Variants in TSHZ2 observed in about 807,000 individuals in gnomAD.
TSHZ2 encodes the protein teashirt homolog 2.
A neutral mutation model predicts 74.4 loss-of-function variants in TSHZ2; 21 were observed. The ratio of observed to expected loss-of-function variants is 0.28; its 90% CI spans 0.20 to 0.41. TSHZ2 has a LOEUF of 0.41. Ranked by LOEUF, TSHZ2 falls within the 10% of genes least tolerant of loss-of-function variation. The probability of loss-of-function intolerance (pLI) is 1.00; values close to 1 mark genes in which losing one functional copy is unlikely to be tolerated. For synonymous variants in TSHZ2, 540 were observed against 515.3 expected, an observed-to-expected ratio of 1.05 and a Z score of -0.65; for missense variants, 1,244 against 1,293.5, an observed-to-expected ratio of 0.96 and a Z score of 0.59.
intron 2 of TSHZ2, among the ~76,000 whole-genome samples, chr20:53,334,465 C>T (rs772632122): frequency 1.3e-5 from 2 of 151,712 alleles, no homozygotes; most frequent in Non-Finnish European, 2.9e-5. Context: ...TGGGGGAACC[C>T]TAAGGGGGTC....
At chr20:53,426,632 G>T (rs952815347) in intron 2 of TSHZ2, among the ~76,000 whole-genome samples, 1 of 152,128 alleles carries the variant, frequency 6.6e-6, no homozygotes, top group Non-Finnish European at 1.5e-5. Context: ...AAGTTTCAGC[G>T]CGTTTTCTGC....
chr20:53,467,784 T>C (rs1261730193), intron 2 of TSHZ2, among the ~76,000 whole-genome samples: 1 of 152,184 alleles, frequency 6.6e-6, no homozygotes, highest in Non-Finnish European at 1.5e-5. Flanking sequence ...CTGAGCTTCC[T>C]GGTAGTGAAA....
At chr20:53,206,094 C>CTGT (rs1268773648) in intron 1 of TSHZ2, among the ~76,000 whole-genome samples, 1 of 152,160 alleles carries the variant, frequency 6.6e-6, no homozygotes, top group Non-Finnish European at 1.5e-5. Flanking sequence ...TGGCACGAGC[C>CTGT]TGTAATCCCA....
At chr20:53,016,095 T>G (rs941120887) in intron 1 of TSHZ2, among the ~76,000 whole-genome samples, 1 of 152,166 alleles carries the variant, frequency 6.6e-6, no homozygotes, top group African/African-American at 2.4e-5. Flanking sequence ...ATGGAAAATA[T>G]GAGGGCCATG....
chr20:53,001,205 CGTGTGT>C (rs558621179), intron 1 of TSHZ2, among the ~76,000 whole-genome samples: 5,590 of 94,134 alleles, frequency 0.059, 139 homozygotes, highest in African/African-American at 0.11. Flanking sequence ...CGTTCATGTG[CGTGTGT>C]GTGTGTGTGT....
At chr20:53,472,049 C>A (rs1289430894) in intron 2 of TSHZ2, among the ~76,000 whole-genome samples, 2 of 152,164 alleles carry the variant, frequency 1.3e-5, no homozygotes, top group South Asian at 2.1e-4. Flanking sequence ...AGGTGATCTG[C>A]CTGCCTAGGC....
chr20:53,371,080 C>T (rs922395356), intron 2 of TSHZ2, among the ~76,000 whole-genome samples: 1 of 152,254 alleles, frequency 6.6e-6, no homozygotes, highest in Non-Finnish European at 1.5e-5. Flanking sequence ...CATGGGTCTC[C>T]GTCCTCTCTT....
At chr20:53,438,113 T>TC (rs1234041512) in intron 2 of TSHZ2, among the ~76,000 whole-genome samples, 1 of 144,950 alleles carries the variant, frequency 6.9e-6, no homozygotes, top group East Asian at 2.2e-4. Context: ...TTTTTTTTTT[T>TC]TCTTTTTTTT....
chr20:53,114,951 G>A (rs1986630724), intron 1 of TSHZ2, among the ~76,000 whole-genome samples: 2 of 152,162 alleles, frequency 1.3e-5, no homozygotes, highest in South Asian at 4.2e-4. Context: ...ACTTGGGTTG[G>A]GTATCACGCA....
Position 53,256,213 on chromosome 20 carries a change from A to T in TSHZ2, c.2755A>T (p.Met919Leu), listed in dbSNP as rs750066288. The change falls in exon 2 of 3, where the codon ATG (methionine) becomes TTG (leucine). Residue 919 changes from methionine to leucine, a missense_variant. Around this residue, in one of 6 missense-constraint regions of TSHZ2, gnomAD observed 185 missense variants for 213.3 expected, o/e 0.87. Coordinates refer to ENST00000371497, the MANE Select transcript of TSHZ2 (RefSeq NM_173485.6). The surrounding 1 kb of genome is among the most constrained non-coding windows in gnomAD (Gnocchi z 4.3). ...GGGCGGGACAAAATTTCTGAAAAAC[A>T]TGGACAAAGGCCACCCCATCTTTTA... The part of the protein sequence containing the change: ...KTGGTKFLKN[M>L]DKGHPIFYCS... The T allele has an allele frequency of 4.3e-6, 7 of 1,613,478 alleles. No homozygotes were observed. The highest frequency in any genetic ancestry group is 3.3e-4 in the Middle Eastern group (2 of 6,062).
chr20:53,058,147 A>G (rs1426369254), intron 1 of TSHZ2, among the ~76,000 whole-genome samples: 1 of 152,134 alleles, frequency 6.6e-6, no homozygotes, highest in African/African-American at 2.4e-5. Flanking sequence ...GTCACTGCAG[A>G]TCTGACAGGA....
chr20:53,310,116 G>A (rs894938557), intron 2 of TSHZ2, among the ~76,000 whole-genome samples: 7 of 152,202 alleles, frequency 4.6e-5, no homozygotes, highest in Non-Finnish European at 2.9e-5. Flanking sequence ...AAAAGCAAGA[G>A]CCCAGGAGAC....
At chr20:53,271,264 G>C (rs1252001779) in intron 2 of TSHZ2, among the ~76,000 whole-genome samples, 1 of 152,194 alleles carries the variant, frequency 6.6e-6, no homozygotes. Context: ...CTTCCTGGCT[G>C]AGGGACCTGG....
intron 2 of TSHZ2, among the ~76,000 whole-genome samples, chr20:53,364,161 T>C (rs1031890365): frequency 1.3e-5 from 2 of 152,170 alleles, no homozygotes; most frequent in Admixed American, 6.5e-5. Context: ...TTCGACTCCT[T>C]GCAGGGCATG....
chr20:53,114,098 GAA>G (rs3971634), intron 1 of TSHZ2, among the ~76,000 whole-genome samples: 7 of 120,480 alleles, frequency 5.8e-5, no homozygotes, highest in East Asian at 4.4e-4. Context: ...TGTCTCTTAT[GAA>G]AAAAAAAAAA....
In TSHZ2 at chr20:53,253,964, A is replaced by G; in HGVS notation, c.506A>G (p.His169Arg). Residue 169 changes from histidine to arginine, a missense_variant, in exon 2 of 3, where the codon CAC becomes CGC. Around this residue, in one of 6 missense-constraint regions of TSHZ2, gnomAD observed 470 missense variants for 456.5 expected, o/e 1.03. Transcript: ENST00000371497. ...AGCAACAAGAGTGATTTTGATTGGC[A>G]CCAAGACGCTCTGTCCAAAAGCCTG... is the stretch of plus-strand genomic sequence containing the variant. ...NGSNKSDFDW[H>R]QDALSKSLQQ... is the part of the protein sequence containing the mutation. 6.2e-7 allele frequency: 1 copy of G among 1,614,118 alleles called. No individual in the cohort carries two copies. Among genetic ancestry groups the G allele is most frequent in the Non-Finnish European group, 8.5e-7 (1 of 1,180,026 alleles).
chr20:53,326,155 G>C (rs1029028137), intron 2 of TSHZ2, among the ~76,000 whole-genome samples: 1 of 152,218 alleles, frequency 6.6e-6, no homozygotes, highest in East Asian at 1.9e-4. Flanking sequence ...TTTATGCTTT[G>C]AGAATGGGAG....
chr20:52,973,200 G>C lies in TSHZ2; in HGVS notation c.-94G>C, dbSNP rs546606177. On this transcript the variant is annotated 5_prime_UTR_variant, in exon 1 of 3. Coordinates refer to ENST00000371497, the MANE Select transcript of TSHZ2 (RefSeq NM_173485.6). Reference sequence around the variant, plus strand: ...ACGTCCTAGGAGCCACCGGGCAAGAGGCGGAGGAGACCCAGAGAGGCCAGA... The same window carrying C: ...ACGTCCTAGGAGCCACCGGGCAAGACGCGGAGGAGACCCAGAGAGGCCAGA... 19 of 1,511,942 alleles carry C rather than the reference G, an allele frequency of 1.3e-5. No individual in the cohort carries two copies. The East Asian group carries it at 3.7e-4, about 30-fold the overall frequency. The allele number at this position is 1,511,942 out of a possible 1,614,324, so 93.7% of individuals were successfully genotyped here.
chr20:53,273,050 G>A (rs1280905569), intron 2 of TSHZ2, among the ~76,000 whole-genome samples: 3 of 152,230 alleles, frequency 2.0e-5, no homozygotes, highest in Non-Finnish European at 2.9e-5. Context: ...AGGAGAAACA[G>A]GAGCAGGGCT....
Sources: gnomAD v4.1 joint callset for allele counts (sites outside exome capture counted in the v4.1 genomes callset) on GRCh38, gnomAD v4.1.1 for gene constraint, gnomAD v4.1.1 regional missense constraint, Gnocchi (gnomAD v3.1) non-coding constraint, MANE v1.5 for transcripts, NCBI Gene and HGNC (gene_info 2026-07-23, HGNC 2026-07-21) for gene names.